The following ELAC2 variants were observed in gnomAD, a reference collection of about 807,000 sequenced individuals.
ELAC2 encodes the protein elaC ribonuclease Z 2, also known as zinc phosphodiesterase ELAC protein 2.
Under a neutral mutation model 105.2 loss-of-function variants are expected in ELAC2, and 92 were observed. The observed-to-expected ratio is 0.87, with a 90% CI of 0.74 to 1.04. ELAC2 has a LOEUF of 1.04. Ranked by LOEUF, ELAC2 falls within the 50% of genes least tolerant of loss-of-function variation. ELAC2 has a pLI of 0.00. For missense variants in ELAC2, 1,099 were observed against 1,071.7 expected (o/e 1.03, Z -0.36); for synonymous variants, 468 against 409.1 (o/e 1.14, Z -1.74).
chr17:13,017,998 T>A lies in ELAC2; in HGVS notation c.-51A>T, dbSNP rs1401025784. The A allele has an allele frequency of 2.0e-6, 3 of 1,533,720 alleles. No homozygotes were observed. Among genetic ancestry groups the A allele is most frequent in the Admixed American group, 3.9e-5 (2 of 50,962 alleles). ...AAGCCGCCGGTCACCTACGCCCGCGTTTCCCGTGCACCACCTAGCCGCTCC... is the reference window on the plus strand; with the variant it reads ...AAGCCGCCGGTCACCTACGCCCGCGATTCCCGTGCACCACCTAGCCGCTCC... On this transcript the variant is annotated 5_prime_UTR_variant, in exon 1 of 24. Coordinates refer to ENST00000338034, the MANE Select transcript of ELAC2 (RefSeq NM_018127.7).
chr17:13,015,873 C>G, intron 3 of ELAC2, 41 bp from the exon 4 acceptor site: 2 of 1,509,560 alleles, frequency 1.3e-6, no homozygotes, highest in Non-Finnish European at 1.8e-6. Context: ...ATCAATTTGA[C>G]CTGTCGTCAC....
chr17:13,013,191 T>C lies in ELAC2; in HGVS notation c.559+16A>G, dbSNP rs1449825249. 7.4e-6 allele frequency: 12 copies of C among 1,614,170 alleles called. No individual in the cohort carries two copies. Among genetic ancestry groups the C allele is most frequent in the Non-Finnish European group, 8.5e-6 (10 of 1,179,980 alleles). ...ACGTACACCCTCCTCCTGGGAAACC[T>C]GGCTTTCATACTCACTGTGTATGGG... On this transcript the variant is annotated intron_variant, in intron 6 of 23. Coordinates refer to ENST00000338034, the MANE Select transcript of ELAC2 (RefSeq NM_018127.7).
intron 22 of ELAC2, 65 bp downstream of exon 22, chr17:12,994,360 G>T: frequency 1.9e-6 from 3 of 1,572,218 alleles, no homozygotes; most frequent in Non-Finnish European, 2.6e-6. Flanking sequence ...AACGACGGCT[G>T]CTCAGTGTCA....
intron 17 of ELAC2, 161 bp downstream of exon 17, chr17:12,996,386 G>A: frequency 2.1e-6 from 2 of 971,986 alleles, no homozygotes; most frequent in Admixed American, 2.0e-5. Flanking sequence ...TGGCGCAGAA[G>A]GACTATGTTG....
At chr17:13,002,139 T>C in intron 14 of ELAC2, 135 bp downstream of exon 14, 1 of 947,654 alleles carries the variant, frequency 1.1e-6, no homozygotes, top group South Asian at 1.4e-5. Flanking sequence ...TCTTTTGTGC[T>C]CAAAGCGGAG....
rs2040779697 is a variant in ELAC2 at position 13,001,105 on chromosome 17, C to T, written c.1305-831G>A. On this transcript the variant is annotated intron_variant, in intron 14 of 23. Coordinates refer to ENST00000338034, the MANE Select transcript of ELAC2 (RefSeq NM_018127.7). ...AAGGGCCCCAACTACCCAACCTCAACAGCACACAGCATCCAGTCATAATCC... is the reference window on the plus strand; with the variant it reads ...AAGGGCCCCAACTACCCAACCTCAATAGCACACAGCATCCAGTCATAATCC... Among the ~76,000 whole-genome samples the T allele has an allele frequency of 3.3e-5, 5 of 152,208 alleles. No homozygotes were observed. In the South Asian group the frequency reaches 1.0e-3, roughly 31 times the overall value.
rs376806455 is a variant in ELAC2, at chr17:13,016,936, A to G, written c.297-4T>C. 3.1e-6 allele frequency: 5 copies of G among 1,613,910 alleles called. No individual in the cohort carries two copies. Among genetic ancestry groups the G allele is most frequent in the Middle Eastern group, 3.3e-4 (2 of 6,084 alleles). ...GTCCAGGCGAGCAACCTTTAACCTA[A>G]GAATGAAAAAACATTTAAACAGGAT... On this transcript the variant is annotated splice_region_variant and splice_polypyrimidine_tract_variant and intron_variant, in intron 2 of 23. Transcript: ENST00000338034.
At chr17:12,996,410 AC>A (rs2143567420) in intron 17 of ELAC2, 136 bp downstream of exon 17, 2 of 1,363,356 alleles carry the variant, frequency 1.5e-6, no homozygotes, top group Middle Eastern at 1.8e-4. Flanking sequence ...TTTGCAAAAA[AC>A]CATTTCCTAG....
chr17:12,993,061 G>C lies in ELAC2; in HGVS notation c.2254-16C>G, dbSNP rs1461333227. ...CAAAGCAGACCTAGAAGACACAATA[G>C]AAGACAAGGACATGTCTCAGAGGGG... is the stretch of plus-strand genomic sequence containing the variant. On this transcript the variant is annotated splice_polypyrimidine_tract_variant and intron_variant, in intron 23 of 23. Coordinates refer to ENST00000338034, the MANE Select transcript of ELAC2 (RefSeq NM_018127.7). 3 of 1,600,056 alleles carry C rather than the reference G, an allele frequency of 1.9e-6. No homozygotes were observed. The African/African-American group carries it at 4.0e-5, about 21-fold the overall frequency.
Position 13,011,209 on chromosome 17 carries a change from G to C in ELAC2, c.679+454C>G, listed in dbSNP as rs536877891. 2.6e-5 allele frequency among the ~76,000 whole-genome samples: 4 copies of C among 152,172 alleles called. No individual in the cohort carries two copies. The South Asian group carries it at 8.3e-4, about 31-fold the overall frequency. On this transcript the variant is annotated intron_variant, in intron 7 of 23. Transcript: ENST00000338034. ...ACTCCCGAAGCGGCCTGACTCCTGA[G>C]CTACATCTCATCTTGGACTTTTAAC...
At chr17:12,995,575 C>T (rs1180725282) in intron 19 of ELAC2, 128 bp downstream of exon 19, 1 of 867,710 alleles carries the variant, frequency 1.2e-6, no homozygotes, top group Admixed American at 2.0e-5. Flanking sequence ...CTGCTTCTGC[C>T]ATCTGGGACC....
intron 16 of ELAC2, among the ~76,000 whole-genome samples, chr17:12,998,095 GTAGT>G (rs2040564669): frequency 1.3e-5 from 2 of 152,256 alleles, no homozygotes; most frequent in Non-Finnish European, 2.9e-5. Flanking sequence ...AACAAAATGG[GTAGT>G]TATTCACCAC....
At position 12,995,784 on chromosome 17, in the gene ELAC2, A is replaced by G; in HGVS notation, c.1727T>C (p.Leu576Ser). The G allele has an allele frequency of 1.2e-6, 2 of 1,612,746 alleles. No individual in the cohort carries two copies. Among genetic ancestry groups the G allele is most frequent in the Non-Finnish European group, 1.7e-6 (2 of 1,179,458 alleles). Residue 576 changes from leucine to serine, a missense_variant, in exon 19 of 24, where the codon TTG becomes TCG. Coordinates refer to ENST00000338034, the MANE Select transcript of ELAC2 (RefSeq NM_018127.7). ...LASLGKPLHP[L>S]LVVAPNQLKA... ...GAGCTGGTTGGGGGCAACCACCAGC[A>G]AAGGGTGAAGCGGCTTTCCCAAAGA... is the stretch of plus-strand genomic sequence containing the variant.
At chr17:13,011,866 C>A in intron 6 of ELAC2, 84 bp from the exon 7 acceptor site, 1 of 1,603,350 alleles carries the variant, frequency 6.2e-7, no homozygotes. Flanking sequence ...ATGGGAATGC[C>A]AGAACGCCAA....
intron 14 of ELAC2, chr17:13,000,502 G>C: frequency 1.8e-6 from 1 of 568,400 alleles, no homozygotes; most frequent in East Asian, 3.2e-5. Context: ...TGATGCTCAG[G>C]GCAAGACAGT....
chr17:13,016,763 A>T, intron 3 of ELAC2, 99 bp downstream of exon 3: 2 of 1,208,126 alleles, frequency 1.7e-6, no homozygotes, highest in African/African-American at 1.6e-5. Flanking sequence ...AAAAAAAAAA[A>T]AAAAGTAGCT....
chr17:13,017,796 C>A lies in ELAC2; in HGVS notation c.152G>T (p.Cys51Phe), dbSNP rs777786097. The change falls in exon 1 of 24, where the codon TGC (cysteine) becomes TTC (phenylalanine). Residue 51 changes from cysteine (C) to phenylalanine (F), a missense_variant. Cys to Phe is a radical substitution (Grantham distance 205, BLOSUM62 -2). Transcript: ENST00000338034. ...GTACACGGTGTTTGGGCCGCCGGAG[C>A]ACCCCGACGGTCCGCGCTTCTCTCG... is the stretch of plus-strand genomic sequence containing the variant. ...RTREKRGPSG[C>F]SGGPNTVYLQ... is the part of the protein sequence containing the mutation. The A allele has an allele frequency of 1.5e-5, 24 of 1,606,804 alleles. No homozygotes were observed. The South Asian group carries it at 2.7e-4, about 18-fold the overall frequency.
At chr17:13,001,526 T>C (rs60773934) in intron 14 of ELAC2, among the ~76,000 whole-genome samples, 1 of 151,384 alleles carries the variant, frequency 6.6e-6, no homozygotes, top group African/African-American at 2.4e-5. Context: ...ATAAATAAAT[T>C]AATTAATTAA....
intron 8 of ELAC2, among the ~76,000 whole-genome samples, chr17:13,007,965 C>T (rs758978354): frequency 1.3e-5 from 2 of 152,070 alleles, no homozygotes; most frequent in African/African-American, 2.4e-5. Context: ...CTTTAGGAGG[C>T]TGAGGAAGGC....
Sources: gnomAD v4.1 joint callset for allele counts (sites outside exome capture counted in the v4.1 genomes callset) on GRCh38, gnomAD v4.1.1 for gene constraint, MANE v1.5 for transcripts, NCBI Gene and HGNC (gene_info 2026-07-23, HGNC 2026-07-21) for gene names.